The following PARP2 variants were observed in gnomAD, a reference collection of about 807,000 sequenced individuals.
PARP2 encodes poly [ADP-ribose] polymerase 2.
Under a neutral mutation model 77.8 loss-of-function variants are expected in PARP2, and 57 were observed. That is an observed-to-expected ratio of 0.73 (90% CI 0.59 to 0.91). PARP2 has a LOEUF of 0.91. PARP2 is among the 40% of genes least tolerant of loss of function. PARP2 has a pLI of 0.00. For synonymous variants in PARP2, 226 were observed against 242.6 expected (o/e 0.93, Z 0.64); for missense variants, 651 against 689.0 (o/e 0.94, Z 0.62).
Position 20,343,666 on chromosome 14 carries a change from AC to A in PARP2, c.27del (p.Gly10AlafsTer8), listed in dbSNP as rs1461324778. 6.2e-7 allele frequency: 1 copy of A among 1,610,470 alleles called. No individual in the cohort carries two copies. Among genetic ancestry groups the A allele is most frequent in the East Asian group, 2.2e-5 (1 of 44,674 alleles). On this transcript the variant is annotated frameshift_variant, in exon 1 of 16. Transcript: ENST00000429687. LOFTEE classifies it high-confidence loss of function. ...CATGGCGGCGCGGCGGCGACGGAGC[AC>A]CGGCGGCGGCAGGGCGAGAGGTTCG... MAARRRRS[T>X]GGGRARALNE... is the part of the protein sequence containing the mutation.
At chr14:20,356,269 T>G (rs1475270011) in intron 11 of PARP2, 38 bp from the exon 12 acceptor site, 13 of 1,610,324 alleles carry the variant, frequency 8.1e-6, no homozygotes, top group South Asian at 5.5e-5. Flanking sequence ...CAGTCTCTTG[T>G]AGAGTCTACA....
At chr14:20,353,073 T>C (rs1594301283) in intron 7 of PARP2, 1 of 146,272 alleles carries the variant, frequency 6.8e-6, no homozygotes, top group Admixed American at 6.9e-5. Context: ...AGAGACAGGG[T>C]TTCATCATGT....
At chr14:20,346,975 A>G in intron 4 of PARP2, 62 bp downstream of exon 4, 15 of 997,328 alleles carry the variant, frequency 1.5e-5, no homozygotes. Context: ...ATAATTATTG[A>G]TGATAGCATC....
rs779597599 is a variant in PARP2 at position 20,343,675 on chromosome 14, G to A, written c.34G>A (p.Gly12Ser). The A allele has an allele frequency of 1.9e-6, 3 of 1,609,966 alleles. No individual in the cohort carries two copies. The highest frequency in any genetic ancestry group is 1.7e-5 in the Admixed American group (1 of 59,460). ...AARRRRSTGG[G>S]RARALNESKR... ...GCGGCGGCGACGGAGCACCGGCGGC[G>A]GCAGGGCGAGAGGTTCGGAGCTCAA... Residue 12 changes from glycine to serine, a missense_variant, in exon 1 of 16, where the codon GGC becomes AGC. Transcript: ENST00000429687.
rs777650803 is a variant in PARP2, at chr14:20,343,667, C to A, written c.26C>A (p.Thr9Asn). ...ATGGCGGCGCGGCGGCGACGGAGCA[C>A]CGGCGGCGGCAGGGCGAGAGGTTCG... The part of the protein sequence containing the change: MAARRRRS[T>N]GGGRARALNE... The change falls in exon 1 of 16, where the codon ACC becomes AAC. Residue 9 changes from threonine to asparagine, a missense_variant. Transcript: ENST00000429687. 4.9e-5 allele frequency: 79 copies of A among 1,610,206 alleles called. No homozygotes were observed. The highest frequency in any genetic ancestry group is 6.5e-5 in the Non-Finnish European group (77 of 1,178,958).
chr14:20,345,581 T>A (rs1022986598), intron 3 of PARP2, 117 bp downstream of exon 3: 3 of 702,578 alleles, frequency 4.3e-6, no homozygotes, highest in Non-Finnish European at 4.9e-6. Context: ...CTCCAAAATA[T>A]GATGAGTGAG....
chr14:20,357,598 C>A lies in PARP2; in HGVS notation c.1554-40C>A, dbSNP rs779573364. On this transcript the variant is annotated intron_variant, in intron 15 of 15. Coordinates refer to ENST00000429687, the MANE Select transcript of PARP2 (RefSeq NM_001042618.2). Reference sequence around the variant, plus strand: ...TACGTTCTCTATTGCAGCTTCTGAACCAGAGACTGATGTTGACACACTTTT... The same window carrying A: ...TACGTTCTCTATTGCAGCTTCTGAAACAGAGACTGATGTTGACACACTTTT... 4 of 1,606,482 alleles carry A rather than the reference C, an allele frequency of 2.5e-6. No homozygotes were observed. In the South Asian group the frequency reaches 3.3e-5, roughly 13 times the overall value.
At chr14:20,356,735 A>G (rs374386523) in intron 13 of PARP2, 46 bp downstream of exon 13, 66 of 1,396,946 alleles carry the variant, frequency 4.7e-5, no homozygotes, top group Non-Finnish European at 6.3e-5. Flanking sequence ...AAAGGGATAC[A>G]GTAATGTTCT....
intron 5 of PARP2, 48 bp from the exon 6 acceptor site, chr14:20,350,999 G>C (rs530752232): frequency 5.0e-6 from 7 of 1,395,002 alleles, no homozygotes; most frequent in East Asian, 2.3e-5. Flanking sequence ...TGGAGAGCTG[G>C]CCTGTTACTC....
intron 4 of PARP2, among the ~76,000 whole-genome samples, chr14:20,347,398 A>ATTTTT (rs58569972): frequency 1.5e-4 from 1 of 6,882 alleles, no homozygotes; most frequent in Non-Finnish European, 2.3e-4. Context: ...ATATATATAT[A>ATTTTT]TTTTTTTTTT....
intron 1 of PARP2, chr14:20,344,346 A>T (rs1236761218): frequency 6.5e-6 from 1 of 153,076 alleles, no homozygotes; most frequent in Non-Finnish European, 1.5e-5. Context: ...TTTGGGGGAC[A>T]TTGGGACACA....
chr14:20,351,869 A>G (rs1418854120), intron 6 of PARP2, among the ~76,000 whole-genome samples: 2 of 140,144 alleles, frequency 1.4e-5, no homozygotes, highest in Admixed American at 7.1e-5. Context: ...AAAAGGAAAG[A>G]AAAAAAGAGA....
intron 7 of PARP2, 182 bp downstream of exon 7, chr14:20,352,529 C>T (rs1417459125): frequency 4.7e-6 from 2 of 428,170 alleles, no homozygotes; most frequent in Non-Finnish European, 8.2e-6. Context: ...ACTACAGGCA[C>T]GTGCCACTCT....
chr14:20,356,801 C>A, intron 13 of PARP2, 112 bp downstream of exon 13: 1 of 841,856 alleles, frequency 1.2e-6, no homozygotes, highest in South Asian at 1.4e-5. Context: ...AGAGTTAAGC[C>A]AGCTCACTGA....
chr14:20,345,934 C>G (rs985064119), intron 3 of PARP2, among the ~76,000 whole-genome samples: 4 of 152,032 alleles, frequency 2.6e-5, no homozygotes, highest in African/African-American at 9.7e-5. Context: ...AGGTGTCACA[C>G]GCTTTTAAAC....
At chr14:20,346,429 G>A (rs184870717) in intron 3 of PARP2, 307 of 154,318 alleles carry the variant, frequency 2.0e-3, no homozygotes, top group Non-Finnish European at 3.5e-3. Context: ...CTAGGTTCAA[G>A]TAATTCTCTT....
Position 20,352,355 on chromosome 14 carries a change from T to G in PARP2, c.600+8T>G. 3 of 1,483,402 alleles carry G rather than the reference T, an allele frequency of 2.0e-6. No individual in the cohort carries two copies. The highest frequency in any genetic ancestry group is 1.9e-6 in the Non-Finnish European group (2 of 1,066,198). The allele number at this position is 1,483,402 out of a possible 1,614,324, so 91.9% of individuals were successfully genotyped here. A position where few individuals can be genotyped will look rare whatever the true frequency, so the allele number is the denominator to read the frequency against. ...TATGCCACCAATACTCAGGTAACTC[T>G]CACTATACTTTTCGAAAGAAACACA... On this transcript the variant is annotated splice_region_variant and intron_variant, in intron 7 of 15. Coordinates refer to ENST00000429687, the MANE Select transcript of PARP2 (RefSeq NM_001042618.2).
rs372717118 is a variant in PARP2 at position 20,345,099 on chromosome 14, A to G, written c.202+12A>G. 1.2e-6 allele frequency: 2 copies of G among 1,613,900 alleles called. No individual in the cohort carries two copies. The highest frequency in any genetic ancestry group is 1.7e-6 in the Non-Finnish European group (2 of 1,179,904). Reference sequence around the variant, plus strand: ...AGACAAGCAAGATGGTATGCCAGGAAGGTCATGGGCCAGCAAAAGGGTCTC... The same window carrying G: ...AGACAAGCAAGATGGTATGCCAGGAGGGTCATGGGCCAGCAAAAGGGTCTC... On this transcript the variant is annotated intron_variant, in intron 2 of 15. Transcript: ENST00000429687.
chr14:20,346,387 G>T (rs1883721595), intron 3 of PARP2, among the ~76,000 whole-genome samples: 1 of 146,620 alleles, frequency 6.8e-6, no homozygotes, highest in Non-Finnish European at 1.5e-5. Context: ...GAGTGCAGTG[G>T]TGTGATCTCA....
Sources: allele counts gnomAD v4.1 joint callset (sites outside exome capture counted in the v4.1 genomes callset), GRCh38; gene constraint gnomAD v4.1.1; transcripts MANE v1.5; gene names NCBI Gene and HGNC (gene_info 2026-07-23, HGNC 2026-07-21).